Variants in NAA11 observed in about 807,000 individuals in gnomAD.
NAA11 encodes the protein N-alpha-acetyltransferase 11, NatA catalytic subunit.
In NAA11, 15 loss-of-function variants were observed where a neutral mutation model predicts 16.1. The ratio of observed to expected loss-of-function variants is 0.93; its 90% CI spans 0.62 to 1.44. The LOEUF (loss-of-function observed/expected upper bound fraction) is 1.44. NAA11 is among the 40% of genes most tolerant of loss of function. NAA11 has a pLI of 0.00. For synonymous variants in NAA11, 122 were observed against 112.4 expected, an observed-to-expected ratio of 1.09 and a Z score of -0.54; for missense variants, 298 against 291.3, an observed-to-expected ratio of 1.02 and a Z score of -0.17.
the NAA11 span, among the ~76,000 whole-genome samples, chr4:79,210,199 T>C: frequency 5.0e-4 from 76 of 152,030 alleles, no homozygotes; most frequent in Non-Finnish European, 9.4e-4. Context: ...GGATTGGAGC[T>C]AGTTTTACAG....
intron 2 of NAA11, among the ~76,000 whole-genome samples, chr4:79,249,683 CAT>C (rs1294808835): frequency 6.6e-6 from 1 of 152,182 alleles, no homozygotes; most frequent in Non-Finnish European, 1.5e-5. Context: ...ACTTGGAAAA[CAT>C]ATTTCAGGAT....
chr4:79,241,796 TA>T (rs1721701207), intron 2 of NAA11, among the ~76,000 whole-genome samples: 1 of 152,236 alleles, frequency 6.6e-6, no homozygotes, highest in African/African-American at 2.4e-5. Flanking sequence ...AATTTAGGGT[TA>T]TTTTAATGTG....
chr4:79,225,608 G>A (rs965532493), downstream of NAA11: 2 of 152,052 alleles, frequency 1.3e-5, no homozygotes, highest in Non-Finnish European at 2.9e-5. Flanking sequence ...AAAATTATGG[G>A]TTTAAGAGAA....
chr4:79,202,621 TTTTATATA>T, the NAA11 span, among the ~76,000 whole-genome samples: 120 of 11,970 alleles, frequency 0.01, 5 homozygotes, highest in African/African-American at 0.014. Context: ...TTATATATAG[TTTTATATA>T]TATATATATA....
the NAA11 span, among the ~76,000 whole-genome samples, chr4:79,196,845 A>C: frequency 0.025 from 3,809 of 151,624 alleles, 152 homozygotes; most frequent in African/African-American, 0.088. Flanking sequence ...GAGAAACAGA[A>C]GAGTGTCAGA....
the NAA11 span, among the ~76,000 whole-genome samples, chr4:79,206,776 T>C: frequency 6.6e-6 from 1 of 152,170 alleles, no homozygotes; most frequent in Non-Finnish European, 1.5e-5. Flanking sequence ...AAGTTATAAA[T>C]GACCCTCTTT....
intron 2 of NAA11, among the ~76,000 whole-genome samples, chr4:79,266,616 C>T (rs1172158914): frequency 6.6e-6 from 1 of 152,142 alleles, no homozygotes; most frequent in Admixed American, 6.5e-5. Context: ...GACGGTTTTG[C>T]ACTCTCCAAC....
At chr4:79,170,675 T>G in the NAA11 span, among the ~76,000 whole-genome samples, 1 of 152,202 alleles carries the variant, frequency 6.6e-6, no homozygotes, top group African/African-American at 2.4e-5. Flanking sequence ...GAAAATATAT[T>G]AATTTGTCTT....
chr4:79,160,238 C>T, the NAA11 span, among the ~76,000 whole-genome samples: 10 of 152,206 alleles, frequency 6.6e-5, no homozygotes, highest in East Asian at 1.9e-4. Context: ...GTGATCCAGC[C>T]GCCTCGGCCT....
At chr4:79,205,570 ACT>A in the NAA11 span, among the ~76,000 whole-genome samples, 1 of 151,612 alleles carries the variant, frequency 6.6e-6, no homozygotes, top group East Asian at 1.9e-4. Flanking sequence ...TTGTATATTT[ACT>A]CTGTTGATTA....
intron 1 of NAA11, among the ~76,000 whole-genome samples, chr4:79,324,091 G>A (rs947662332): frequency 2.6e-5 from 4 of 151,444 alleles, no homozygotes; most frequent in Non-Finnish European, 5.9e-5. Flanking sequence ...AATGGCATAA[G>A]GAACCCCCTA....
the NAA11 span, among the ~76,000 whole-genome samples, chr4:79,188,391 C>A: frequency 6.6e-6 from 1 of 152,014 alleles, no homozygotes; most frequent in African/African-American, 2.4e-5. Flanking sequence ...CGAGACCATC[C>A]TGGCTAACGC....
the NAA11 span, among the ~76,000 whole-genome samples, chr4:79,166,077 G>A: frequency 6.6e-6 from 1 of 152,148 alleles, no homozygotes; most frequent in African/African-American, 2.4e-5. Flanking sequence ...TAATGGAGAA[G>A]TACTTAAGCC....
At chr4:79,194,264 A>C in the NAA11 span, among the ~76,000 whole-genome samples, 18 of 152,256 alleles carry the variant, frequency 1.2e-4, no homozygotes, top group African/African-American at 4.3e-4. Context: ...TGGGCAGTAT[A>C]GCCATTTTAA....
At chr4:79,181,121 C>T in the NAA11 span, among the ~76,000 whole-genome samples, 2 of 151,556 alleles carry the variant, frequency 1.3e-5, no homozygotes, top group Non-Finnish European at 2.9e-5. Flanking sequence ...GGAGGTATAC[C>T]TAATGTAAAT....
chr4:79,254,141 G>A (rs1722051580), intron 2 of NAA11, among the ~76,000 whole-genome samples: 1 of 152,216 alleles, frequency 6.6e-6, no homozygotes, highest in Non-Finnish European at 1.5e-5. Context: ...CATTAGAGCT[G>A]ACTCACTCCA....
At chr4:79,160,319 A>G in the NAA11 span, among the ~76,000 whole-genome samples, 5 of 152,156 alleles carry the variant, frequency 3.3e-5, no homozygotes, top group African/African-American at 1.2e-4. Flanking sequence ...TAGCTATTAT[A>G]AATAATCCTG....
At chr4:79,156,056 G>A in the NAA11 span, among the ~76,000 whole-genome samples, 8 of 152,296 alleles carry the variant, frequency 5.3e-5, no homozygotes, top group Middle Eastern at 6.8e-3. Flanking sequence ...GGAACCTCCA[G>A]AGTGCCCTGG....
chr4:79,264,572 CTT>C (rs1479915742), intron 2 of NAA11, among the ~76,000 whole-genome samples: 1 of 152,022 alleles, frequency 6.6e-6, no homozygotes, highest in Non-Finnish European at 1.5e-5. Context: ...AAATACCTGA[CTT>C]TGTCAAGCTC....
Sources: allele counts gnomAD v4.1 joint callset (sites outside exome capture counted in the v4.1 genomes callset), GRCh38; gene constraint gnomAD v4.1.1; transcripts MANE v1.5; gene names NCBI Gene and HGNC (gene_info 2026-07-23, HGNC 2026-07-21).